The following RRAD variants were observed in gnomAD, a reference collection of about 807,000 sequenced individuals.
The protein encoded by RRAD is GTP-binding protein RAD.
RRAD carries 15 observed loss-of-function variants against 24.7 expected under a neutral mutation model. The ratio of observed to expected loss-of-function variants is 0.61; its 90% CI spans 0.41 to 0.93. RRAD has a LOEUF of 0.93. Among genes scored for constraint, RRAD ranks in the 40% least tolerant of loss-of-function variants. The pLI is 0.00. For synonymous variants in RRAD, 180 were observed against 189.8 expected (o/e 0.95, Z 0.43); for missense variants, 438 against 452.2 (o/e 0.97, Z 0.29).
In RRAD at chr16:66,924,612, C is replaced by T. The variant is rs1231103873; in HGVS notation, c.370+198G>A. Among the ~76,000 whole-genome samples the T allele has an allele frequency of 2.0e-5, 3 of 152,012 alleles. No homozygotes were observed. The highest frequency in any genetic ancestry group is 7.3e-5 in the African/African-American group (3 of 41,370). On this transcript the variant is annotated intron_variant, in intron 2 of 4. Coordinates refer to ENST00000299759, the MANE Select transcript of RRAD (RefSeq NM_004165.3). This position sits in a 1 kb window ranked among gnomAD's most constrained non-coding sequence, Gnocchi z 4.2. ...ACCTGAAGGCGGAGGTTGCAGTGAG[C>T]CTAGATCGAGGCCACTGCACTCCAG...
rs750350657 is a variant in RRAD, at chr16:66,923,493, C to G, written c.649+23G>C. ...AGGGCCCAGCTGGGCTCTCCCTCCC[C>G]CTGCAACCTGCCGCCTACTCACCAT... On this transcript the variant is annotated intron_variant, in intron 4 of 4. Transcript: ENST00000299759. This position sits in a 1 kb window ranked among gnomAD's most constrained non-coding sequence, Gnocchi z 4.9. 5 of 1,590,552 alleles carry G rather than the reference C, an allele frequency of 3.1e-6. No homozygotes were observed. The highest frequency in any genetic ancestry group is 1.7e-5 in the Admixed American group (1 of 59,694).
Position 66,921,990 on chromosome 16 carries a change from C to A in RRAD, c.*86G>T, listed in dbSNP as rs1490068547. 4 of 1,281,810 alleles carry A rather than the reference C, an allele frequency of 3.1e-6. No homozygotes were observed. The highest frequency in any genetic ancestry group is 1.1e-6 in the Non-Finnish European group (1 of 919,836). The allele number at this position is 1,281,810 out of a possible 1,614,324, so 79.4% of individuals were successfully genotyped here. On this transcript the variant is annotated 3_prime_UTR_variant, in exon 5 of 5. Transcript: ENST00000299759. ...AGCTCCGAGGGACCCAGAGTCTGAG[C>A]CTGCTCTGAGGCACCCGGGGCAGTT...
At position 66,923,437 on chromosome 16, in the gene RRAD, G is replaced by T; in HGVS notation, c.649+79C>A. The T allele has an allele frequency of 8.6e-7, 1 of 1,165,950 alleles. No homozygotes were observed. The highest frequency in any genetic ancestry group is 1.2e-6 in the Non-Finnish European group (1 of 812,582). The allele number at this position is 1,165,950 out of a possible 1,614,324, so 72.2% of individuals were successfully genotyped here. A position where few individuals can be genotyped will look rare whatever the true frequency, so the allele number is the denominator to read the frequency against. Reference sequence around the variant, plus strand: ...ATTTTTAGCCTCTGATGATCCCCAGGGACTCAAGCTGAGCCAAGACTGCCT... The same window carrying T: ...ATTTTTAGCCTCTGATGATCCCCAGTGACTCAAGCTGAGCCAAGACTGCCT... On this transcript the variant is annotated intron_variant, in intron 4 of 4. Coordinates refer to ENST00000299759, the MANE Select transcript of RRAD (RefSeq NM_004165.3). This position sits in a 1 kb window ranked among gnomAD's most constrained non-coding sequence, Gnocchi z 4.9.
In RRAD at chr16:66,925,347, C is replaced by T; in HGVS notation, c.-16+62G>A. 6.9e-6 allele frequency: 4 copies of T among 578,622 alleles called. No individual in the cohort carries two copies. Among genetic ancestry groups the T allele is most frequent in the Non-Finnish European group, 1.0e-5 (4 of 400,220 alleles). 35.8% of individuals were successfully genotyped at this position (578,622 alleles called of 1,614,324 possible). ...CAGGTCGCGGCGCCCTCACCCGGGA[C>T]CCCTCCGGACCTGGCGCATCCATCT... On this transcript the variant is annotated intron_variant, in intron 1 of 4. Coordinates refer to ENST00000299759, the MANE Select transcript of RRAD (RefSeq NM_004165.3). This position sits in a 1 kb window ranked among gnomAD's most constrained non-coding sequence, Gnocchi z 5.2.
chr16:66,924,943 C>CGAGTCCTCG lies in RRAD; in HGVS notation c.228_236dup (p.Glu77_Ser79dup). ...CTGAGTCGCTGCCCCCTGAGCTGAG[C>CGAGTCCTCG]GAGTCCTCGGAGTCCTCGGGCCAGT... On this transcript the variant is annotated inframe_insertion, in exon 2 of 5. Transcript: ENST00000299759. The surrounding 1 kb of genome is among the most constrained non-coding windows in gnomAD (Gnocchi z 4.2). 6.4e-7 allele frequency: 1 copy of CGAGTCCTCG among 1,554,990 alleles called. No homozygotes were observed. The highest frequency in any genetic ancestry group is 8.7e-7 in the Non-Finnish European group (1 of 1,156,030).
intron 4 of RRAD, among the ~76,000 whole-genome samples, chr16:66,922,558 C>T (rs1962931132): frequency 6.6e-6 from 1 of 152,262 alleles, no homozygotes; most frequent in East Asian, 1.9e-4. Flanking sequence ...AAGGAGCCCC[C>T]AAAACAGTGG....
Position 66,923,794 on chromosome 16 carries a change from T to C in RRAD, c.444+52A>G. ...CACGAGCCTGGCACTCCCAGACCTC[T>C]AACCCAACTCACTCCTCCCTCCCCT... is the stretch of plus-strand genomic sequence containing the variant. On this transcript the variant is annotated intron_variant, in intron 3 of 4. Transcript: ENST00000299759. The surrounding 1 kb of genome is among the most constrained non-coding windows in gnomAD (Gnocchi z 4.9). 2 of 1,609,140 alleles carry C rather than the reference T, an allele frequency of 1.2e-6. No homozygotes were observed. Among genetic ancestry groups the C allele is most frequent in the Non-Finnish European group, 1.7e-6 (2 of 1,175,656 alleles).
rs142941594 is a variant in RRAD at position 66,922,140 on chromosome 16, C to G, written c.863G>C (p.Arg288Pro). The G allele has an allele frequency of 4.8e-5, 77 of 1,613,456 alleles. No homozygotes were observed. The highest frequency in any genetic ancestry group is 6.0e-5 in the Non-Finnish European group (71 of 1,179,472). ...AKRFLGRIVARNSRKMAFRAK... is the reference protein window; with the variant it reads ...AKRFLGRIVAPNSRKMAFRAK... ...GCGAAAGGCCATCTTGCGGCTGTTA[C>G]GAGCTACGATGCGGCCCAAGAAGCG... Residue 288 changes from arginine to proline, a missense_variant, in exon 5 of 5, where the codon CGT (arginine) becomes CCT (proline). Transcript: ENST00000299759.
chr16:66,925,186 CG>C lies in RRAD; in HGVS notation c.-8del. On this transcript the variant is annotated 5_prime_UTR_variant, in exon 2 of 5. Coordinates refer to ENST00000299759, the MANE Select transcript of RRAD (RefSeq NM_004165.3). This position sits in a 1 kb window ranked among gnomAD's most constrained non-coding sequence, Gnocchi z 5.2. The stretch of plus-strand genomic sequence containing the variant: ...CGCCGCCGTTCAGGGTCATCGCGTC[CG>C]GGACCGTCTAGGGGATCAGGAACCC... 8.0e-7 allele frequency: 1 copy of C among 1,247,320 alleles called. No homozygotes were observed. Among genetic ancestry groups the C allele is most frequent in the South Asian group, 3.9e-5 (1 of 25,872 alleles). 77.3% of individuals were successfully genotyped at this position (1,247,320 alleles called of 1,614,324 possible).
At position 66,925,406 on chromosome 16, in the gene RRAD, C is replaced by G. The variant is rs1567541875; in HGVS notation, c.-16+3G>C. ...CCCGACCCCGCTCCGCCAGGACACT[C>G]ACCCACTCGCACACAGACACGCTCA... On this transcript the variant is annotated splice_donor_region_variant and intron_variant, in intron 1 of 4. Transcript: ENST00000299759. This position sits in a 1 kb window ranked among gnomAD's most constrained non-coding sequence, Gnocchi z 5.2. 1 of 352,138 alleles carries G rather than the reference C, an allele frequency of 2.8e-6. No homozygotes were observed. Among genetic ancestry groups the G allele is most frequent in the African/African-American group, 2.1e-5 (1 of 46,974 alleles). The allele number at this position is 352,138 out of a possible 1,614,324, so 21.8% of individuals were successfully genotyped here.
In RRAD at chr16:66,924,042, C is replaced by A; in HGVS notation, c.371-123G>T. On this transcript the variant is annotated intron_variant, in intron 2 of 4. Coordinates refer to ENST00000299759, the MANE Select transcript of RRAD (RefSeq NM_004165.3). The surrounding 1 kb of genome is among the most constrained non-coding windows in gnomAD (Gnocchi z 4.2). ...CCCTCCTTACCCTCCACTCCACTTG[C>A]AGATGCTGGTATGTGGCAACAGCAG... The A allele has an allele frequency of 1.3e-6, 1 of 789,394 alleles. No homozygotes were observed. Among genetic ancestry groups the A allele is most frequent in the Admixed American group, 1.9e-5 (1 of 53,790 alleles). 48.9% of individuals were successfully genotyped at this position (789,394 alleles called of 1,614,324 possible). A position where few individuals can be genotyped will look rare whatever the true frequency, so the allele number is the denominator to read the frequency against.
rs758113587 is a variant in RRAD, at chr16:66,923,579, C to A, written c.586G>T (p.Val196Leu). The A allele has an allele frequency of 6.2e-7, 1 of 1,613,326 alleles. No homozygotes were observed. The highest frequency in any genetic ancestry group is 1.1e-5 in the South Asian group (1 of 91,076). ...TTGTTGCCCACGAGGATGATGGGCA[C>A]ATCATCTGTTTGCCGTGCACGCCGC... ...QLRRARQTDDVPIILVGNKSD... is the reference protein window; with the variant it reads ...QLRRARQTDDLPIILVGNKSD... The change falls in exon 4 of 5, where the codon GTG becomes TTG. Residue 196 changes from valine (V) to leucine (L), a missense_variant. Physicochemically the swap from Val to Leu is conservative, Grantham distance 32 (BLOSUM62 1). Transcript: ENST00000299759. This position sits in a 1 kb window ranked among gnomAD's most constrained non-coding sequence, Gnocchi z 4.9.
chr16:66,924,759 C>T lies in RRAD; in HGVS notation c.370+51G>A. 1.4e-6 allele frequency: 2 copies of T among 1,393,402 alleles called. No individual in the cohort carries two copies. Among genetic ancestry groups the T allele is most frequent in the Non-Finnish European group, 1.9e-6 (2 of 1,060,276 alleles). 86.3% of individuals were successfully genotyped at this position (1,393,402 alleles called of 1,614,324 possible). A position where few individuals can be genotyped will look rare whatever the true frequency, so the allele number is the denominator to read the frequency against. On this transcript the variant is annotated intron_variant, in intron 2 of 4. Coordinates refer to ENST00000299759, the MANE Select transcript of RRAD (RefSeq NM_004165.3). The surrounding 1 kb of genome is among the most constrained non-coding windows in gnomAD (Gnocchi z 4.2). ...CGGCTTTGAGTACCGGTCTCAGCCC[C>T]TAGTCCTAGCCCCGGGATCGCCCCT... is the stretch of plus-strand genomic sequence containing the variant.
rs896915166 is a variant in RRAD at position 66,924,624 on chromosome 16, C to T, written c.370+186G>A. On this transcript the variant is annotated intron_variant, in intron 2 of 4. Transcript: ENST00000299759. This position sits in a 1 kb window ranked among gnomAD's most constrained non-coding sequence, Gnocchi z 4.2. ...AGGTTGCAGTGAGCCTAGATCGAGGCCACTGCACTCCAGCCTGGGAAAAAG... is the reference window on the plus strand; with the variant it reads ...AGGTTGCAGTGAGCCTAGATCGAGGTCACTGCACTCCAGCCTGGGAAAAAG... Among the ~76,000 whole-genome samples, 2 of 152,084 alleles carry T rather than the reference C, an allele frequency of 1.3e-5. No homozygotes were observed. Among genetic ancestry groups the T allele is most frequent in the Non-Finnish European group, 2.9e-5 (2 of 68,014 alleles).
In RRAD at chr16:66,925,079, G is replaced by T. The variant is rs1432031314; in HGVS notation, c.101C>A (p.Pro34Gln). 1.9e-5 allele frequency: 24 copies of T among 1,258,614 alleles called. No individual in the cohort carries two copies. In the East Asian group the frequency reaches 7.0e-4, roughly 37 times the overall value. 78.0% of individuals were successfully genotyped at this position (1,258,614 alleles called of 1,614,324 possible). A position where few individuals can be genotyped will look rare whatever the true frequency, so the allele number is the denominator to read the frequency against. Reference sequence around the variant, plus strand: ...CACCGGCATGCTGCGGCGGTGCAGCGGCGGGGCGGGGCCCCAGGGTGTGCT... The same window carrying T: ...CACCGGCATGCTGCGGCGGTGCAGCTGCGGGGCGGGGCCCCAGGGTGTGCT... ...RGSTPWGPAP[P>Q]LHRRSMPVDE... is the part of the protein sequence containing the mutation. The change falls in exon 2 of 5, where the codon CCG becomes CAG. Residue 34 changes from proline to glutamine, a missense_variant. By Grantham distance (76) the Pro-to-Gln change is moderately conservative. Transcript: ENST00000299759. The surrounding 1 kb of genome is among the most constrained non-coding windows in gnomAD (Gnocchi z 5.2).
Position 66,923,991 on chromosome 16 carries a change from C to G in RRAD, c.371-72G>C. 8.4e-7 allele frequency: 1 copy of G among 1,191,550 alleles called. No homozygotes were observed. Among genetic ancestry groups the G allele is most frequent in the Non-Finnish European group, 1.3e-6 (1 of 794,778 alleles). 73.8% of individuals were successfully genotyped at this position (1,191,550 alleles called of 1,614,324 possible). On this transcript the variant is annotated intron_variant, in intron 2 of 4. Transcript: ENST00000299759. The surrounding 1 kb of genome is among the most constrained non-coding windows in gnomAD (Gnocchi z 4.9). ...GCTGCTGCCAGGTTTCCTGTTCTGG[C>G]CACACCCTCCAACTCTTCCCCAGAG...
chr16:66,924,895 C>G lies in RRAD; in HGVS notation c.285G>C (p.Leu95=). ...TGCCCACGCCGGGCGCCCCCAGCAG[C>G]AGCACCTTGTAAACGCTCTCGTCTG... The part of the protein sequence containing the change: ...SDSDESVYKV[L]LLGAPGVGKS... Residue 95 remains leucine, a synonymous_variant, in exon 2 of 5, where the codon CTG becomes CTC. Transcript: ENST00000299759. This position sits in a 1 kb window ranked among gnomAD's most constrained non-coding sequence, Gnocchi z 4.2. 1 of 1,586,076 alleles carries G rather than the reference C, an allele frequency of 6.3e-7. No individual in the cohort carries two copies. Among genetic ancestry groups the G allele is most frequent in the Non-Finnish European group, 8.5e-7 (1 of 1,171,234 alleles).
Position 66,925,318 on chromosome 16 carries a change from C to T in RRAD, c.-16+91G>A, listed in dbSNP as rs952335820. On this transcript the variant is annotated intron_variant, in intron 1 of 4. Transcript: ENST00000299759. The surrounding 1 kb of genome is among the most constrained non-coding windows in gnomAD (Gnocchi z 5.2). Reference sequence around the variant, plus strand: ...AGGTCCCGCCGCAGCCCTCCCCCAGCCCCCAGGTCGCGGCGCCCTCACCCG... The same window carrying T: ...AGGTCCCGCCGCAGCCCTCCCCCAGTCCCCAGGTCGCGGCGCCCTCACCCG... The T allele has an allele frequency of 4.4e-6, 4 of 903,670 alleles. No individual in the cohort carries two copies. The highest frequency in any genetic ancestry group is 5.7e-6 in the Non-Finnish European group (4 of 698,544). 56.0% of individuals were successfully genotyped at this position (903,670 alleles called of 1,614,324 possible). A position where few individuals can be genotyped will look rare whatever the true frequency, so the allele number is the denominator to read the frequency against.
Position 66,923,904 on chromosome 16 carries a change from C to A in RRAD, c.386G>T (p.Arg129Leu). 1.9e-6 allele frequency: 3 copies of A among 1,613,994 alleles called. No individual in the cohort carries two copies. The highest frequency in any genetic ancestry group is 2.5e-6 in the Non-Finnish European group (3 of 1,179,930). Reference sequence around the variant, plus strand: ...CTCTTCTCCGTCCACTACAATGGAGCGATCATAGGTGTGCCCTAGGCAGAA... The same window carrying A: ...CTCTTCTCCGTCCACTACAATGGAGAGATCATAGGTGTGCCCTAGGCAGAA... ...EAEAAGHTYD[R>L]SIVVDGEEAS... Residue 129 changes from arginine (R) to leucine (L), a missense_variant, in exon 3 of 5, where the codon CGC becomes CTC. Coordinates refer to ENST00000299759, the MANE Select transcript of RRAD (RefSeq NM_004165.3). This position sits in a 1 kb window ranked among gnomAD's most constrained non-coding sequence, Gnocchi z 4.9.
Sources: gnomAD v4.1 joint callset for allele counts (sites outside exome capture counted in the v4.1 genomes callset) on GRCh38, gnomAD v4.1.1 for gene constraint, Gnocchi (gnomAD v3.1) non-coding constraint, MANE v1.5 for transcripts, NCBI Gene and HGNC (gene_info 2026-07-23, HGNC 2026-07-21) for gene names.